POFUT3: variants seen among roughly 807,000 people sequenced by gnomAD.
The protein encoded by POFUT3 is GDP-fucose protein O-fucosyltransferase 3.
chr8:33,438,345 A>G, the POFUT3 span, among the ~76,000 whole-genome samples: 1 of 152,220 alleles, frequency 6.6e-6, no homozygotes, highest in Non-Finnish European at 1.5e-5. Context: ...TGGGAGGCCA[A>G]GGTAGGTGGA....
At chr8:33,423,124 C>T in the POFUT3 span, among the ~76,000 whole-genome samples, 1 of 152,012 alleles carries the variant, frequency 6.6e-6, no homozygotes, top group Non-Finnish European at 1.5e-5. Context: ...AATTCTTTAA[C>T]TCACTTTATG....
chr8:33,424,490 T>C, the POFUT3 span, among the ~76,000 whole-genome samples: 1 of 152,182 alleles, frequency 6.6e-6, no homozygotes, highest in Non-Finnish European at 1.5e-5. Flanking sequence ...CTCCTCTTCC[T>C]ATACCACATC....
chr8:33,470,385 A>C, the POFUT3 span, among the ~76,000 whole-genome samples: 1 of 152,034 alleles, frequency 6.6e-6, no homozygotes, highest in Non-Finnish European at 1.5e-5. Flanking sequence ...GTGCCACTGC[A>C]CTCCAGCCTG....
chr8:33,391,988 A>G, the POFUT3 span, among the ~76,000 whole-genome samples: 5 of 152,196 alleles, frequency 3.3e-5, no homozygotes, highest in Non-Finnish European at 5.9e-5. Context: ...CCTCAGGTGC[A>G]TTCAGATGAA....
At chr8:33,454,752 C>T in the POFUT3 span, among the ~76,000 whole-genome samples, 1 of 151,640 alleles carries the variant, frequency 6.6e-6, no homozygotes, top group African/African-American at 2.4e-5. Context: ...CTGCAAACTC[C>T]GCCTCCCAGG....
the POFUT3 span, among the ~76,000 whole-genome samples, chr8:33,447,074 A>C: frequency 2.0e-5 from 3 of 152,198 alleles, no homozygotes; most frequent in African/African-American, 7.2e-5. Flanking sequence ...TAGATGGTGT[A>C]TGGAGAGATA....
At chr8:33,453,573 T>C in the POFUT3 span, 785,441 of 1,340,660 alleles carry the variant, frequency 0.59, 232,389 homozygotes, top group African/African-American at 0.64. Context: ...ACATCTCTCA[T>C]TAATCTTGAT....
At chr8:33,393,621 C>T in the POFUT3 span, among the ~76,000 whole-genome samples, 3 of 152,184 alleles carry the variant, frequency 2.0e-5, no homozygotes, top group African/African-American at 4.8e-5. Flanking sequence ...AGGCAACATA[C>T]ATTATTAACC....
At chr8:33,336,381 A>G in the POFUT3 span, among the ~76,000 whole-genome samples, 12 of 152,326 alleles carry the variant, frequency 7.9e-5, no homozygotes, top group East Asian at 2.3e-3. Context: ...ATTATAATAC[A>G]TCACTGGGAA....
chr8:33,314,807 G>C, the POFUT3 span, among the ~76,000 whole-genome samples: 13,633 of 152,060 alleles, frequency 0.09, 1,140 homozygotes, highest in African/African-American at 0.21. Context: ...TTTACCTTAG[G>C]TAAGCCTCAA....
At chr8:33,359,851 C>A in the POFUT3 span, among the ~76,000 whole-genome samples, 1 of 151,660 alleles carries the variant, frequency 6.6e-6, no homozygotes, top group African/African-American at 2.4e-5. Flanking sequence ...ACTAAAAATA[C>A]AAAAATTAGC....
chr8:33,399,478 G>C, the POFUT3 span, among the ~76,000 whole-genome samples: 1 of 152,166 alleles, frequency 6.6e-6, no homozygotes, highest in South Asian at 2.1e-4. Flanking sequence ...GGAAGGATGA[G>C]TGTGTATGTG....
At chr8:33,419,531 C>A in the POFUT3 span, among the ~76,000 whole-genome samples, 3 of 152,216 alleles carry the variant, frequency 2.0e-5, no homozygotes, top group Admixed American at 6.5e-5. Context: ...TGCTGGCTCA[C>A]CCGCCACTCG....
chr8:33,397,993 TAAAC>T, the POFUT3 span, among the ~76,000 whole-genome samples: 1 of 152,164 alleles, frequency 6.6e-6, no homozygotes, highest in Non-Finnish European at 1.5e-5. Flanking sequence ...ACTTCAAAGA[TAAAC>T]AAAATAAGCC....
chr8:33,346,863 A>T, the POFUT3 span, among the ~76,000 whole-genome samples: 1 of 152,164 alleles, frequency 6.6e-6, no homozygotes, highest in Admixed American at 6.5e-5. Flanking sequence ...AGCCCATGTG[A>T]ATGTCACAGT....
At chr8:33,370,079 C>G in the POFUT3 span, among the ~76,000 whole-genome samples, 1 of 149,640 alleles carries the variant, frequency 6.7e-6, no homozygotes, top group South Asian at 2.1e-4. Context: ...GGCCTATAAT[C>G]CCAGCACTTT....
chr8:33,319,786 G>C, the POFUT3 span, among the ~76,000 whole-genome samples: 1 of 117,938 alleles, frequency 8.5e-6, no homozygotes, highest in Non-Finnish European at 1.7e-5. Context: ...AACATTATTA[G>C]TTCTGATGTA....
At chr8:33,472,037 A>C in the POFUT3 span, among the ~76,000 whole-genome samples, 1 of 152,302 alleles carries the variant, frequency 6.6e-6, no homozygotes, top group East Asian at 1.9e-4. Context: ...ACTACGGTAG[A>C]CCAGGGAGAA....
At chr8:33,375,092 A>C in the POFUT3 span, among the ~76,000 whole-genome samples, 1 of 151,656 alleles carries the variant, frequency 6.6e-6, no homozygotes, top group Admixed American at 6.6e-5. Context: ...GGGTTTCACC[A>C]TGTTGTCCAG....
Sources: allele counts gnomAD v4.1 joint callset (sites outside exome capture counted in the v4.1 genomes callset), GRCh38; gene constraint gnomAD v4.1.1; transcripts MANE v1.5; gene names NCBI Gene and HGNC (gene_info 2026-07-23, HGNC 2026-07-21).